The following ODAD2 variants were observed in gnomAD, a reference collection of about 807,000 sequenced individuals.
ODAD2 encodes the protein outer dynein arm docking complex subunit 2.
In ODAD2, 89 loss-of-function variants were observed where a neutral mutation model predicts 106.8. The observed-to-expected ratio is 0.83, with a 90% CI of 0.70 to 0.99. The LOEUF (loss-of-function observed/expected upper bound fraction) is 0.99, where lower values mean the gene tolerates loss of function less well. ODAD2 is among the 50% of genes least tolerant of loss of function. The probability of loss-of-function intolerance (pLI) is 0.00; values close to 1 mark genes in which losing one functional copy is unlikely to be tolerated. For missense variants in ODAD2, 1,168 were observed against 1,238.5 expected (o/e 0.94, Z 0.85); for synonymous variants, 404 against 436.2 (o/e 0.93, Z 0.92).
intron 17 of ODAD2, among the ~76,000 whole-genome samples, chr10:27,869,404 A>C (rs1840690031): frequency 6.6e-6 from 1 of 152,004 alleles, no homozygotes; most frequent in Non-Finnish European, 1.5e-5. Flanking sequence ...TATACTGAAA[A>C]GTTATATATT....
intron 16 of ODAD2, among the ~76,000 whole-genome samples, chr10:27,917,882 GAATAATACAAGGATATTGCAAT>G (rs879800530): frequency 2.0e-5 from 3 of 151,300 alleles, no homozygotes; most frequent in Non-Finnish European, 4.4e-5. Context: ...ATAATAAAAT[GAATAATACAAGGATATTGCAAT>G]AATTTTAGGC....
At position 27,957,842 on chromosome 10, in the gene ODAD2, CT is replaced by C. The variant is rs1204684011; in HGVS notation, c.1386+3725del. Among the ~76,000 whole-genome samples the C allele has an allele frequency of 5.3e-5, 8 of 151,494 alleles. No homozygotes were observed. In the South Asian group the frequency reaches 1.5e-3, roughly 28 times the overall value. ...TTGGGTATTAATGAGCTCGTTAAATCTTTTTTTTTCCAACAATCAGAGACAT... is the reference window on the plus strand; with the variant it reads ...TTGGGTATTAATGAGCTCGTTAAATCTTTTTTTTCCAACAATCAGAGACAT... On this transcript the variant is annotated intron_variant, in intron 10 of 19. Transcript: ENST00000305242.
intron 16 of ODAD2, among the ~76,000 whole-genome samples, chr10:27,913,923 G>A (rs1472695871): frequency 3.9e-5 from 6 of 152,118 alleles, no homozygotes; most frequent in Admixed American, 6.6e-5. Flanking sequence ...AAAGCAGTTC[G>A]GAGATTTCTC....
chr10:27,905,830 C>G (rs185406129), intron 17 of ODAD2, among the ~76,000 whole-genome samples: 21 of 152,304 alleles, frequency 1.4e-4, no homozygotes, highest in Admixed American at 1.1e-3. Flanking sequence ...AAAACTGAAA[C>G]TGGACCTCTT....
At chr10:27,949,519 A>T (rs1023898293) in intron 10 of ODAD2, among the ~76,000 whole-genome samples, 4 of 152,164 alleles carry the variant, frequency 2.6e-5, no homozygotes, top group Non-Finnish European at 5.9e-5. Flanking sequence ...AATGTCCACC[A>T]GTCGGAGCAA....
At chr10:27,909,961 C>T (rs1219609230) in intron 16 of ODAD2, among the ~76,000 whole-genome samples, 1 of 151,832 alleles carries the variant, frequency 6.6e-6, no homozygotes, top group African/African-American at 2.4e-5. Flanking sequence ...TTATCCTTTC[C>T]ATCTCCCTCA....
chr10:27,979,231 C>CAAAAAAAAAA (rs1313032503), intron 7 of ODAD2, among the ~76,000 whole-genome samples: 1 of 41,906 alleles, frequency 2.4e-5, no homozygotes. Flanking sequence ...GACTCCATCT[C>CAAAAAAAAAA]AAAAAAAAAA....
intron 17 of ODAD2, among the ~76,000 whole-genome samples, chr10:27,863,705 G>C (rs1237411477): frequency 6.6e-6 from 1 of 152,150 alleles, no homozygotes; most frequent in Non-Finnish European, 1.5e-5. Flanking sequence ...CTAATATAAA[G>C]GTTCAAGGGC....
intron 2 of ODAD2, among the ~76,000 whole-genome samples, chr10:27,993,290 C>G (rs1299463134): frequency 6.6e-6 from 1 of 152,172 alleles, no homozygotes; most frequent in Non-Finnish European, 1.5e-5. Context: ...CTGAACAATA[C>G]AGAAATGACA....
chr10:27,965,566 A>G (rs1441786003), intron 9 of ODAD2, among the ~76,000 whole-genome samples: 2 of 152,216 alleles, frequency 1.3e-5, no homozygotes, highest in East Asian at 3.9e-4. Flanking sequence ...TCAAGTTTGC[A>G]TTTAGAGTAG....
chr10:27,858,923 C>T (rs986566095), intron 19 of ODAD2, among the ~76,000 whole-genome samples: 15 of 151,818 alleles, frequency 9.9e-5, no homozygotes, highest in Middle Eastern at 3.4e-3. Flanking sequence ...CCTGCCTCAG[C>T]CTCCCGAGTA....
chr10:27,944,013 A>C lies in ODAD2; in HGVS notation c.1743+209T>G, dbSNP rs922580382. On this transcript the variant is annotated intron_variant, in intron 12 of 19. Coordinates refer to ENST00000305242, the MANE Select transcript of ODAD2 (RefSeq NM_018076.5). ...TGCTTTAAAACTGTCCTATTTCTTCAAAAAATGAGTTTGAAGATGTTTTTG... is the reference window on the plus strand; with the variant it reads ...TGCTTTAAAACTGTCCTATTTCTTCCAAAAATGAGTTTGAAGATGTTTTTG... Among the ~76,000 whole-genome samples, 5 of 152,038 alleles carry C rather than the reference A, an allele frequency of 3.3e-5. No individual in the cohort carries two copies. In the East Asian group the frequency reaches 9.6e-4, roughly 29 times the overall value.
intron 15 of ODAD2, among the ~76,000 whole-genome samples, chr10:27,935,854 A>G (rs926859905): frequency 3.4e-4 from 51 of 152,030 alleles, no homozygotes; most frequent in African/African-American, 1.2e-3. Flanking sequence ...ATATATATAT[A>G]CACACACAAA....
chr10:27,937,335 T>C (rs1396677742), intron 14 of ODAD2, among the ~76,000 whole-genome samples: 1 of 141,864 alleles, frequency 7.0e-6, no homozygotes, highest in East Asian at 1.9e-4. Context: ...TTTCTTTCTT[T>C]TTTCTTTTTT....
At position 27,915,977 on chromosome 10, in the gene ODAD2, A is replaced by G. The variant is rs1844342103; in HGVS notation, c.2496-8200T>C. ...CCACCATGGAGTGTTAGAGCACAAGAAGGATGAAGAGAGAATCTCTCTAAG... is the reference window on the plus strand; with the variant it reads ...CCACCATGGAGTGTTAGAGCACAAGGAGGATGAAGAGAGAATCTCTCTAAG... On this transcript the variant is annotated intron_variant, in intron 16 of 19. Coordinates refer to ENST00000305242, the MANE Select transcript of ODAD2 (RefSeq NM_018076.5). Among the ~76,000 whole-genome samples the G allele has an allele frequency of 2.0e-5, 3 of 152,156 alleles. No homozygotes were observed. In the South Asian group the frequency reaches 6.2e-4, roughly 32 times the overall value.
intron 10 of ODAD2, among the ~76,000 whole-genome samples, chr10:27,956,246 C>T (rs1352144839): frequency 6.6e-6 from 1 of 152,144 alleles, no homozygotes; most frequent in Non-Finnish European, 1.5e-5. Flanking sequence ...ACTTGGCACA[C>T]CACCTGCTGC....
intron 7 of ODAD2, among the ~76,000 whole-genome samples, chr10:27,973,409 T>C (rs12412406): frequency 0.2 from 30,216 of 151,950 alleles, 3,444 homozygotes; most frequent in Middle Eastern, 0.29. Flanking sequence ...TCACAGGTGT[T>C]TGCTGTACAG....
Position 27,997,633 on chromosome 10 carries a change from A to C in ODAD2, c.-39+1361T>G, listed in dbSNP as rs138232654. The C allele has an allele frequency of 8.5e-5, 13 of 152,334 alleles. No individual in the cohort carries two copies. The East Asian group carries it at 2.5e-3, about 29-fold the overall frequency. The allele number at this position is 152,334 out of a possible 1,614,324, so 9.4% of individuals were successfully genotyped here. Reference sequence around the variant, plus strand: ...CAAGTCTAGTGAACCGTAGCAATGCACAAGTTTTATTCAAGAAGGTTGGTG... The same window carrying C: ...CAAGTCTAGTGAACCGTAGCAATGCCCAAGTTTTATTCAAGAAGGTTGGTG... On this transcript the variant is annotated intron_variant, in intron 1 of 19. Transcript: ENST00000305242.
intron 19 of ODAD2, among the ~76,000 whole-genome samples, chr10:27,859,810 C>G (rs1839915799): frequency 6.6e-6 from 1 of 152,150 alleles, no homozygotes; most frequent in Non-Finnish European, 1.5e-5. Context: ...TTTACAGAAA[C>G]TTTCCTGTCT....
Sources: allele counts gnomAD v4.1 joint callset (sites outside exome capture counted in the v4.1 genomes callset), GRCh38; gene constraint gnomAD v4.1.1; transcripts MANE v1.5; gene names NCBI Gene and HGNC (gene_info 2026-07-23, HGNC 2026-07-21).